SLC2A8: variants seen among roughly 807,000 people sequenced by gnomAD.
SLC2A8 encodes the protein solute carrier family 2 member 8, also known as solute carrier family 2, facilitated glucose transporter member 8.
Under a neutral mutation model 49.2 loss-of-function variants are expected in SLC2A8, and 53 were observed. That is an observed-to-expected ratio of 1.08 (90% CI 0.86 to 1.35). SLC2A8 has a LOEUF of 1.35. Among genes scored for constraint, SLC2A8 ranks in the 40% most tolerant of loss-of-function variants. The pLI is 0.00. For synonymous variants in SLC2A8, 299 were observed against 297.0 expected, an observed-to-expected ratio of 1.01 and a Z score of -0.07; for missense variants, 688 against 671.7, an observed-to-expected ratio of 1.02 and a Z score of -0.27.
chr9:127,403,771 G>A lies in SLC2A8; in HGVS notation c.835G>A (p.Ala279Thr). Residue 279 changes from alanine to threonine, a missense_variant, in exon 6 of 10, where the codon GCA (alanine) becomes ACA (threonine). Physicochemically the swap from Ala to Thr is moderately conservative, Grantham distance 58. Coordinates refer to ENST00000373371, the MANE Select transcript of SLC2A8 (RefSeq NM_014580.5). ...LSGVNAVMFY[A>T]ETIFEEAKFK... ...GGGGGTCAACGCCGTCATGTTCTAT[G>A]CAGAGACCATCTTTGAAGAGGCCAA... 6.2e-7 allele frequency: 1 copy of A among 1,613,234 alleles called. No individual in the cohort carries two copies. The highest frequency in any genetic ancestry group is 8.5e-7 in the Non-Finnish European group (1 of 1,179,970).
Position 127,405,492 on chromosome 9 carries a change from TGGCGACA to T in SLC2A8, c.1227_1233del (p.Thr410SerfsTer13), listed in dbSNP as rs762803321. The T allele has an allele frequency of 4.3e-6, 7 of 1,613,194 alleles. No individual in the cohort carries two copies. The South Asian group carries it at 7.7e-5, about 18-fold the overall frequency. ...ATCTTCCCTCTGCATGTCAAGGGCG[TGGCGACA>T]GGCATCTGCGTCCTCACCAACTGGC... On this transcript the variant is annotated frameshift_variant, in exon 9 of 10. Transcript: ENST00000373371. LOFTEE classifies it high-confidence loss of function.
Position 127,397,880 on chromosome 9 carries a change from C to G in SLC2A8, c.220-25C>G, listed in dbSNP as rs1179042645. 2.1e-6 allele frequency: 3 copies of G among 1,461,126 alleles called. No individual in the cohort carries two copies. The Admixed American group carries it at 7.2e-5, about 35-fold the overall frequency. The allele number at this position is 1,461,126 out of a possible 1,614,324, so 90.5% of individuals were successfully genotyped here. The stretch of plus-strand genomic sequence containing the variant: ...GGATGGGCTGCGGCTTCGGCGCCCC[C>G]TCCTCAGCAGCCGCCCGCCTCCAGG... On this transcript the variant is annotated intron_variant, in intron 2 of 9. Transcript: ENST00000373371.
chr9:127,404,805 C>G lies in SLC2A8; in HGVS notation c.977-13C>G, dbSNP rs779607518. On this transcript the variant is annotated splice_polypyrimidine_tract_variant and intron_variant, in intron 7 of 9. Coordinates refer to ENST00000373371, the MANE Select transcript of SLC2A8 (RefSeq NM_014580.5). ...CCCGGGTGCCCCGCCCACTGCCGCC[C>G]TCCCGCCTGCAGGTGTGGTCATGGT... is the stretch of plus-strand genomic sequence containing the variant. 95 of 1,603,948 alleles carry G rather than the reference C, an allele frequency of 5.9e-5. No individual in the cohort carries two copies. The highest frequency in any genetic ancestry group is 7.5e-5 in the Non-Finnish European group (88 of 1,173,396).
chr9:127,397,977 C>T lies in SLC2A8; in HGVS notation c.292C>T (p.Leu98=). 1 of 1,540,806 alleles carries T rather than the reference C, an allele frequency of 6.5e-7. No homozygotes were observed. Residue 98 remains leucine, a synonymous_variant, in exon 3 of 10, where the codon CTG becomes TTG. Coordinates refer to ENST00000373371, the MANE Select transcript of SLC2A8 (RefSeq NM_014580.5). ...GCTGGTGGACCGCGCCGGGCGCAAG[C>T]TGAGCCTCTTGCTGTGCTCCGTGCC... ...GWLVDRAGRK[L]SLLLCSVPFV... is the part of the protein sequence containing the mutation.
chr9:127,402,513 T>A, intron 4 of SLC2A8, 44 bp from the exon 5 acceptor site: 1 of 1,460,062 alleles, frequency 6.8e-7, no homozygotes, highest in Non-Finnish European at 9.0e-7. Flanking sequence ...CCAGGCTGGC[T>A]CACCCTGGCT....
intron 4 of SLC2A8, among the ~76,000 whole-genome samples, chr9:127,400,343 G>A (rs983357395): frequency 6.6e-6 from 1 of 152,016 alleles, no homozygotes; most frequent in Non-Finnish European, 1.5e-5. Context: ...ATTTTTGGTA[G>A]AAAGGGGGTT....
intron 4 of SLC2A8, among the ~76,000 whole-genome samples, 177 bp downstream of exon 4, chr9:127,400,183 T>TTTTTA (rs1833226571): frequency 6.7e-6 from 1 of 149,210 alleles, no homozygotes; most frequent in African/African-American, 2.5e-5. Context: ...TTTTTTTTTT[T>TTTTTA]GAGACAGAGT....
chr9:127,398,893 T>C (rs970174704), intron 3 of SLC2A8, among the ~76,000 whole-genome samples: 1 of 152,066 alleles, frequency 6.6e-6, no homozygotes, highest in Non-Finnish European at 1.5e-5. Context: ...CTCCCCCAAG[T>C]GAGGTTGAAA....
chr9:127,407,731 A>ACC lies in SLC2A8; in HGVS notation c.*482_*483insCC. On this transcript the variant is annotated 3_prime_UTR_variant, in exon 10 of 10. Transcript: ENST00000373371. ...AAAGGGTTTATTCCCATCACTGCCC[A>ACC]GGACACCCTGTGGCTTTACTTGCTC... 1 of 220,996 alleles carries ACC rather than the reference A, an allele frequency of 4.5e-6. No homozygotes were observed. Among genetic ancestry groups the ACC allele is most frequent in the Non-Finnish European group, 9.4e-6 (1 of 106,198 alleles). The allele number at this position is 220,996 out of a possible 1,614,324, so 13.7% of individuals were successfully genotyped here.
Position 127,398,456 on chromosome 9 carries a change from G to A in SLC2A8, c.426+345G>A, listed in dbSNP as rs956578805. 3 of 592,284 alleles carry A rather than the reference G, an allele frequency of 5.1e-6. No homozygotes were observed. The African/African-American group carries it at 5.5e-5, about 11-fold the overall frequency. 36.7% of individuals were successfully genotyped at this position (592,284 alleles called of 1,614,324 possible). On this transcript the variant is annotated intron_variant, in intron 3 of 9. Coordinates refer to ENST00000373371, the MANE Select transcript of SLC2A8 (RefSeq NM_014580.5). ...TCTGCAAACCTGCGGATGATCCACA[G>A]GAGCCCACTCCCTACATTTTGGTTT... is the stretch of plus-strand genomic sequence containing the variant.
In SLC2A8 at chr9:127,403,705, T is replaced by G; in HGVS notation, c.769T>G (p.Phe257Val). 1 of 1,613,040 alleles carries G rather than the reference T, an allele frequency of 6.2e-7. No homozygotes were observed. The highest frequency in any genetic ancestry group is 1.6e-4 in the Middle Eastern group (1 of 6,062). ...LLRQPGIYKPFIIGVSLMAFQ... is the reference protein window; with the variant it reads ...LLRQPGIYKPVIIGVSLMAFQ... Reference sequence around the variant, plus strand: ...GCGGCAGCCCGGCATCTACAAGCCCTTCATCATCGGCGTCTCCCTGATGGC... The same window carrying G: ...GCGGCAGCCCGGCATCTACAAGCCCGTCATCATCGGCGTCTCCCTGATGGC... Residue 257 changes from phenylalanine to valine, a missense_variant, in exon 6 of 10, where the codon TTC (phenylalanine) becomes GTC (valine). Physicochemically the swap from Phe to Val is conservative, Grantham distance 50 (BLOSUM62 -1). Coordinates refer to ENST00000373371, the MANE Select transcript of SLC2A8 (RefSeq NM_014580.5).
chr9:127,397,693 G>GC (rs981614031), intron 2 of SLC2A8, among the ~76,000 whole-genome samples, 155 bp downstream of exon 2: 1 of 151,790 alleles, frequency 6.6e-6, no homozygotes, highest in African/African-American at 2.4e-5. Context: ...GGGCCTCTCT[G>GC]CCCCCCATCC....
chr9:127,397,501 C>A lies in SLC2A8; in HGVS notation c.182C>A (p.Ala61Asp), dbSNP rs1588999582. The change falls in exon 2 of 10, where the codon GCC becomes GAC. Residue 61 changes from alanine to aspartate, a missense_variant. Physicochemically the swap from Ala to Asp is moderately radical, Grantham distance 126. Transcript: ENST00000373371. ...AGCCTGCAGCGCGCCGCGCCCCCGG[C>A]CCCGCGCCTGGACGACGCCGCCGCC... is the stretch of plus-strand genomic sequence containing the variant. ...IPSLQRAAPP[A>D]PRLDDAAASW... The A allele has an allele frequency of 3.5e-6, 5 of 1,446,854 alleles. No individual in the cohort carries two copies. Among genetic ancestry groups the A allele is most frequent in the South Asian group, 1.4e-5 (1 of 72,586 alleles). 89.6% of individuals were successfully genotyped at this position (1,446,854 alleles called of 1,614,324 possible).
In SLC2A8 at chr9:127,405,491, G is replaced by A. The variant is rs79364852; in HGVS notation, c.1222G>A (p.Val408Met). Reference protein sequence around the residue: ...SEIFPLHVKGVATGICVLTNW... With the variant: ...SEIFPLHVKGMATGICVLTNW... ...GATCTTCCCTCTGCATGTCAAGGGC[G>A]TGGCGACAGGCATCTGCGTCCTCAC... Residue 408 changes from valine to methionine, a missense_variant, in exon 9 of 10, where the codon GTG (valine) becomes ATG (methionine). Physicochemically the swap from Val to Met is conservative, Grantham distance 21. Transcript: ENST00000373371. 474 of 1,613,160 alleles carry A rather than the reference G, an allele frequency of 2.9e-4. 3 individuals are homozygous for A. The African/African-American group carries it at 5.8e-3, about 20-fold the overall frequency.
Position 127,403,761 on chromosome 9 carries a change from C to G in SLC2A8, c.825C>G (p.Val275=), listed in dbSNP as rs201217378. 23 of 1,613,158 alleles carry G rather than the reference C, an allele frequency of 1.4e-5. No homozygotes were observed. The highest frequency in any genetic ancestry group is 3.4e-6 in the Non-Finnish European group (4 of 1,179,980). Reference sequence around the variant, plus strand: ...AGCAGCTGTCGGGGGTCAACGCCGTCATGTTCTATGCAGAGACCATCTTTG... The same window carrying G: ...AGCAGCTGTCGGGGGTCAACGCCGTGATGTTCTATGCAGAGACCATCTTTG... The part of the protein sequence containing the change: ...AFQQLSGVNA[V]MFYAETIFEE... The change falls in exon 6 of 10, where the codon GTC becomes GTG. Residue 275 remains valine, a synonymous_variant. Coordinates refer to ENST00000373371, the MANE Select transcript of SLC2A8 (RefSeq NM_014580.5).
chr9:127,402,435 C>T, intron 4 of SLC2A8, 122 bp from the exon 5 acceptor site: 1 of 1,384,124 alleles, frequency 7.2e-7, no homozygotes, highest in Non-Finnish European at 9.5e-7. Flanking sequence ...CAGTAGCGAA[C>T]ATGAGGGCAG....
At chr9:127,397,577 A>AG in intron 2 of SLC2A8, 39 bp downstream of exon 2, 1 of 1,363,736 alleles carries the variant, frequency 7.3e-7, no homozygotes, top group Non-Finnish European at 9.4e-7. Flanking sequence ...CTGGGACCCC[A>AG]CGCCCTCCTC....
rs1481714024 is a variant in SLC2A8 at position 127,397,927 on chromosome 9, C to T, written c.242C>T (p.Ala81Val). ...CAGGCTGTCGTGACCCTGGGTGCCG[C>T]GGCGGGGGGAGTGCTGGGCGGCTGG... ...WFGAVVTLGA[A>V]AGGVLGGWLV... The change falls in exon 3 of 10, where the codon GCG (alanine) becomes GTG (valine). Residue 81 changes from alanine (A) to valine (V), a missense_variant. Transcript: ENST00000373371. 1.3e-6 allele frequency: 2 copies of T among 1,529,784 alleles called. No homozygotes were observed. The allele number at this position is 1,529,784 out of a possible 1,614,324, so 94.8% of individuals were successfully genotyped here.
At chr9:127,400,106 TCA>T (rs1455105651) in intron 4 of SLC2A8, 100 bp downstream of exon 4, 26 of 972,000 alleles carry the variant, frequency 2.7e-5, no homozygotes, top group Admixed American at 2.6e-4. Flanking sequence ...TTGTCTGAGG[TCA>T]CATAGCCAGT....
Sources: gnomAD v4.1 joint callset for allele counts (sites outside exome capture counted in the v4.1 genomes callset) on GRCh38, gnomAD v4.1.1 for gene constraint, MANE v1.5 for transcripts, NCBI Gene and HGNC (gene_info 2026-07-23, HGNC 2026-07-21) for gene names.